SLC10A7: variants seen among roughly 807,000 people sequenced by gnomAD.
The protein encoded by SLC10A7 is solute carrier family 10 member 7.
Under a neutral mutation model 43.2 loss-of-function variants are expected in SLC10A7, and 29 were observed. The ratio of observed to expected loss-of-function variants is 0.67; its 90% CI spans 0.50 to 0.92. The LOEUF (loss-of-function observed/expected upper bound fraction) is 0.92. SLC10A7 is among the 40% of genes least tolerant of loss of function. The pLI is 0.00. For missense variants in SLC10A7, 295 were observed against 403.2 expected (o/e 0.73, Z 2.30); for synonymous variants, 152 against 144.8 (o/e 1.05, Z -0.35).
intron 7 of SLC10A7, among the ~76,000 whole-genome samples, chr4:146,296,942 A>G (rs1388245149): frequency 6.6e-6 from 1 of 152,186 alleles, no homozygotes; most frequent in Non-Finnish European, 1.5e-5. Context: ...TCATTTTAAA[A>G]TTCTCCAAAC....
At position 146,322,209 on chromosome 4, in the gene SLC10A7, C is replaced by T. The variant is rs570882419; in HGVS notation, c.471+3752G>A. Reference sequence around the variant, plus strand: ...TATGGAAAGGAGGGGAAGAAAATTACTCTTTGGTTCTTTTTTTAATTATTA... The same window carrying T: ...TATGGAAAGGAGGGGAAGAAAATTATTCTTTGGTTCTTTTTTTAATTATTA... On this transcript the variant is annotated intron_variant, in intron 6 of 11. Coordinates refer to ENST00000335472, the MANE Select transcript of SLC10A7 (RefSeq NM_001029998.6). 5.9e-5 allele frequency among the ~76,000 whole-genome samples: 9 copies of T among 151,978 alleles called. No individual in the cohort carries two copies. The South Asian group carries it at 1.5e-3, about 25-fold the overall frequency.
At chr4:146,375,158 A>G (rs1342816111) in intron 5 of SLC10A7, among the ~76,000 whole-genome samples, 1 of 152,212 alleles carries the variant, frequency 6.6e-6, no homozygotes, top group Non-Finnish European at 1.5e-5. Flanking sequence ...GTGAGCCGAG[A>G]TTGCACCACT....
intron 5 of SLC10A7, among the ~76,000 whole-genome samples, chr4:146,391,598 G>T (rs750347924): frequency 1.3e-5 from 2 of 152,188 alleles, no homozygotes; most frequent in Non-Finnish European, 2.9e-5. Context: ...TCAATTGTTA[G>T]GGACAGAGGT....
intron 4 of SLC10A7, among the ~76,000 whole-genome samples, chr4:146,444,225 A>T (rs746169043): frequency 4.6e-5 from 7 of 152,208 alleles, no homozygotes; most frequent in Non-Finnish European, 8.8e-5. Context: ...TCCTTCCTAC[A>T]AAAAATGTAC....
chr4:146,490,438 T>G (rs1560959217), intron 4 of SLC10A7, among the ~76,000 whole-genome samples: 1 of 152,198 alleles, frequency 6.6e-6, no homozygotes, highest in Non-Finnish European at 1.5e-5. Context: ...ATCATGCATT[T>G]AAACAAAGAT....
chr4:146,290,174 A>C (rs959413333), intron 9 of SLC10A7, among the ~76,000 whole-genome samples: 117 of 151,246 alleles, frequency 7.7e-4, no homozygotes, highest in African/African-American at 2.8e-3. Flanking sequence ...AATACAAAAA[A>C]TTAGCCAGGC....
chr4:146,458,049 C>A (rs982514243), intron 4 of SLC10A7, among the ~76,000 whole-genome samples: 2 of 151,708 alleles, frequency 1.3e-5, no homozygotes, highest in Non-Finnish European at 2.9e-5. Flanking sequence ...GAAGAATAAT[C>A]TTCATGCACA....
At chr4:146,488,485 C>T (rs1166839542) in intron 4 of SLC10A7, among the ~76,000 whole-genome samples, 1 of 151,956 alleles carries the variant, frequency 6.6e-6, no homozygotes, top group African/African-American at 2.4e-5. Context: ...TCAGATCATC[C>T]AAAATTAAGG....
chr4:146,517,597 T>G (rs1422363655), intron 1 of SLC10A7, among the ~76,000 whole-genome samples: 1 of 152,058 alleles, frequency 6.6e-6, no homozygotes, highest in Non-Finnish European at 1.5e-5. Flanking sequence ...GCAGCCTAAC[T>G]CCAGAGAGCA....
intron 5 of SLC10A7, among the ~76,000 whole-genome samples, chr4:146,341,515 T>C (rs1734261732): frequency 6.6e-6 from 1 of 151,832 alleles, no homozygotes; most frequent in Non-Finnish European, 1.5e-5. Context: ...CACATATGTT[T>C]ATACATAAAT....
chr4:146,445,807 G>A (rs150934766), intron 4 of SLC10A7, among the ~76,000 whole-genome samples: 43 of 152,072 alleles, frequency 2.8e-4, no homozygotes, highest in African/African-American at 9.4e-4. Context: ...ATCCCTAATC[G>A]AACTCCTCTC....
chr4:146,453,877 A>G (rs1731813259), intron 4 of SLC10A7, among the ~76,000 whole-genome samples: 1 of 151,932 alleles, frequency 6.6e-6, no homozygotes, highest in African/African-American at 2.4e-5. Flanking sequence ...ATACCAATCT[A>G]CATTTTCACA....
rs146890840 is a variant in SLC10A7, at chr4:146,405,472, G to T, written c.435+37311C>A. Among the ~76,000 whole-genome samples, 583 of 152,222 alleles carry T rather than the reference G, an allele frequency of 3.8e-3. 2 individuals carry two copies. The highest frequency in any genetic ancestry group is 0.013 in the African/African-American group (532 of 41,544). ...AAATGATGAAAAGGGCTTTAATGAG[G>T]TTTGAAATACAGTTAGAATATTACA... On this transcript the variant is annotated intron_variant, in intron 5 of 11. Coordinates refer to ENST00000335472, the MANE Select transcript of SLC10A7 (RefSeq NM_001029998.6).
At chr4:146,357,849 T>C (rs1294989998) in intron 5 of SLC10A7, among the ~76,000 whole-genome samples, 1 of 152,108 alleles carries the variant, frequency 6.6e-6, no homozygotes, top group Admixed American at 6.6e-5. Context: ...AGCTGCAAGT[T>C]CTTCCTTGGC....
chr4:146,429,501 C>T (rs918194155), intron 5 of SLC10A7, among the ~76,000 whole-genome samples: 9 of 152,052 alleles, frequency 5.9e-5, no homozygotes, highest in African/African-American at 1.9e-4. Context: ...CTTCATGGAG[C>T]TTTCATTTGA....
At chr4:146,436,132 A>T (rs777465773) in intron 5 of SLC10A7, among the ~76,000 whole-genome samples, 1 of 152,134 alleles carries the variant, frequency 6.6e-6, no homozygotes, top group Non-Finnish European at 1.5e-5. Flanking sequence ...GGTCATTCCT[A>T]TAATTAAATC....
intron 4 of SLC10A7, among the ~76,000 whole-genome samples, chr4:146,496,461 C>A (rs191778285): frequency 5.9e-5 from 9 of 152,214 alleles, no homozygotes; most frequent in South Asian, 4.2e-4. Context: ...TTCCCCTCCC[C>A]CTAGGTGGAT....
chr4:146,429,556 A>G (rs924096720), intron 5 of SLC10A7, among the ~76,000 whole-genome samples: 4 of 152,056 alleles, frequency 2.6e-5, no homozygotes, highest in Admixed American at 2.0e-4. Context: ...CAAATTATAT[A>G]CTATGTTGGA....
Position 146,440,532 on chromosome 4 carries a change from C to T in SLC10A7, c.435+2251G>A, listed in dbSNP as rs144334330. On this transcript the variant is annotated intron_variant, in intron 5 of 11. Coordinates refer to ENST00000335472, the MANE Select transcript of SLC10A7 (RefSeq NM_001029998.6). The stretch of plus-strand genomic sequence containing the variant: ...CTATACCATACTTGGACAGCTCCCT[C>T]CAAATGTTATATAATAGAGAAATAA... Among the ~76,000 whole-genome samples the T allele has an allele frequency of 1.3e-3, 197 of 152,180 alleles. 2 individuals carry two copies. Among genetic ancestry groups the T allele is most frequent in the Middle Eastern group, 6.8e-3 (2 of 294 alleles).
Sources: allele counts gnomAD v4.1 joint callset (sites outside exome capture counted in the v4.1 genomes callset), GRCh38; gene constraint gnomAD v4.1.1; transcripts MANE v1.5; gene names NCBI Gene and HGNC (gene_info 2026-07-23, HGNC 2026-07-21).